Variants in RSL1D1 observed in about 807,000 individuals in gnomAD.
The protein encoded by RSL1D1 is ribosomal L1 domain-containing protein 1.
In RSL1D1, 34 loss-of-function variants were observed where a neutral mutation model predicts 44.6. The observed-to-expected ratio is 0.76, with a 90% CI of 0.58 to 1.02. The LOEUF is 1.02. Ranked by LOEUF, RSL1D1 falls within the 50% of genes least tolerant of loss-of-function variation. RSL1D1 has a pLI of 0.00. For synonymous variants in RSL1D1, 271 were observed against 207.4 expected (o/e 1.31, Z -2.63); for missense variants, 767 against 568.1 (o/e 1.35, Z -3.56).
At position 11,838,084 on chromosome 16, in the gene RSL1D1, A is replaced by G. The variant is rs1303206255; in HGVS notation, c.1176T>C (p.Ser392=). 1 of 1,584,600 alleles carries G rather than the reference A, an allele frequency of 6.3e-7. No individual in the cohort carries two copies. The highest frequency in any genetic ancestry group is 8.5e-7 in the Non-Finnish European group (1 of 1,172,226). ...TGCTGGGATTAGGACTCTTTGCTGG[A>G]GACTTCTTTCCTGTGGCATGTTTTT... ...EIQKHATGKK[S]PAKSPNPSTP... is the part of the protein sequence containing the mutation. Residue 392 remains serine, a synonymous_variant, in exon 9 of 9, where the codon TCT becomes TCC. Transcript: ENST00000571133.
intron 1 of RSL1D1, 92 bp from the exon 2 acceptor site, chr16:11,850,510 C>T (rs933907029): frequency 3.0e-6 from 4 of 1,317,838 alleles, no homozygotes; most frequent in African/African-American, 3.0e-5. Flanking sequence ...TAGCATTTGC[C>T]CCCTCCCACA....
rs1258869821 is a variant in RSL1D1 at position 11,836,216 on chromosome 16, C to T, written c.*1571G>A. The stretch of plus-strand genomic sequence containing the variant: ...GAGCTCACGGCCTTCACAGCCTCCA[C>T]CATCCCGATGGTCTGCTGGTCCTAC... On this transcript the variant is annotated 3_prime_UTR_variant, in exon 9 of 9. Coordinates refer to ENST00000571133, the MANE Select transcript of RSL1D1 (RefSeq NM_015659.3). 2.0e-5 allele frequency: 3 copies of T among 152,212 alleles called. No individual in the cohort carries two copies. The highest frequency in any genetic ancestry group is 7.2e-5 in the African/African-American group (3 of 41,454). The allele number at this position is 152,212 out of a possible 1,614,324, so 9.4% of individuals were successfully genotyped here. A position where few individuals can be genotyped will look rare whatever the true frequency, so the allele number is the denominator to read the frequency against.
At chr16:11,839,543 A>T in intron 8 of RSL1D1, 152 bp downstream of exon 8, 1 of 1,220,842 alleles carries the variant, frequency 8.2e-7, no homozygotes, top group Non-Finnish European at 1.1e-6. Flanking sequence ...AAAAAAAAAA[A>T]AAAGGTACAA....
chr16:11,835,190 T>C lies in RSL1D1; in HGVS notation c.*2597A>G, dbSNP rs1179573677. The C allele has an allele frequency of 6.6e-6, 1 of 151,982 alleles. No individual in the cohort carries two copies. The highest frequency in any genetic ancestry group is 1.5e-5 in the Non-Finnish European group (1 of 68,026). 9.4% of individuals were successfully genotyped at this position (151,982 alleles called of 1,614,324 possible). On this transcript the variant is annotated 3_prime_UTR_variant, in exon 9 of 9. Transcript: ENST00000571133. ...ATTTCAGGGAGAGCTAGATGTTTTT[T>C]TTTTTCTCTTTTTTTCAGTTTTGCT...
In RSL1D1 at chr16:11,835,928, G is replaced by C. The variant is rs2053713567; in HGVS notation, c.*1859C>G. On this transcript the variant is annotated 3_prime_UTR_variant, in exon 9 of 9. Coordinates refer to ENST00000571133, the MANE Select transcript of RSL1D1 (RefSeq NM_015659.3). ...GCTGCCCTGACGCACCATAATCTAA[G>C]CCCAGGGCATAAAATCCCTCGTGGC... is the stretch of plus-strand genomic sequence containing the variant. 6.6e-6 allele frequency: 1 copy of C among 152,228 alleles called. No individual in the cohort carries two copies. The highest frequency in any genetic ancestry group is 3.4e-3 in the Middle Eastern group (1 of 294). The allele number at this position is 152,228 out of a possible 1,614,324, so 9.4% of individuals were successfully genotyped here.
At chr16:11,844,385 C>A (rs1297093025) in intron 5 of RSL1D1, among the ~76,000 whole-genome samples, 1 of 152,178 alleles carries the variant, frequency 6.6e-6, no homozygotes, top group African/African-American at 2.4e-5. Flanking sequence ...CTTCATGGTA[C>A]CATCTTCTTC....
chr16:11,849,594 C>A (rs1044130091), intron 2 of RSL1D1, among the ~76,000 whole-genome samples: 2 of 152,124 alleles, frequency 1.3e-5, no homozygotes, highest in African/African-American at 4.8e-5. Flanking sequence ...AAATTCACTG[C>A]AGTTTTTAAT....
At chr16:11,844,713 C>T (rs909553046) in intron 5 of RSL1D1, among the ~76,000 whole-genome samples, 2 of 152,156 alleles carry the variant, frequency 1.3e-5, no homozygotes, top group African/African-American at 2.4e-5. Flanking sequence ...TGGGTCTGCA[C>T]GGCTCCTGGG....
chr16:11,835,927 A>C lies in RSL1D1; in HGVS notation c.*1860T>G, dbSNP rs1431736827. 1.3e-5 allele frequency: 2 copies of C among 152,142 alleles called. No individual in the cohort carries two copies. Among genetic ancestry groups the C allele is most frequent in the Non-Finnish European group, 2.9e-5 (2 of 68,038 alleles). 9.4% of individuals were successfully genotyped at this position (152,142 alleles called of 1,614,324 possible). A position where few individuals can be genotyped will look rare whatever the true frequency, so the allele number is the denominator to read the frequency against. On this transcript the variant is annotated 3_prime_UTR_variant, in exon 9 of 9. Coordinates refer to ENST00000571133, the MANE Select transcript of RSL1D1 (RefSeq NM_015659.3). ...GGCTGCCCTGACGCACCATAATCTA[A>C]GCCCAGGGCATAAAATCCCTCGTGG... is the stretch of plus-strand genomic sequence containing the variant.
intron 8 of RSL1D1, among the ~76,000 whole-genome samples, chr16:11,838,436 T>TAC (rs1240522509): frequency 6.6e-6 from 1 of 152,028 alleles, no homozygotes; most frequent in African/African-American, 2.4e-5. Context: ...GTGCTAGGAT[T>TAC]ACAGGCGTGA....
In RSL1D1 at chr16:11,847,691, G is replaced by C; in HGVS notation, c.361C>G (p.His121Asp). 6.2e-7 allele frequency: 1 copy of C among 1,611,744 alleles called. No homozygotes were observed. The highest frequency in any genetic ancestry group is 1.7e-4 in the Middle Eastern group (1 of 5,992). The change falls in exon 3 of 9, where the codon CAT becomes GAT. Residue 121 changes from histidine to aspartate, a missense_variant. Coordinates refer to ENST00000571133, the MANE Select transcript of RSL1D1 (RefSeq NM_015659.3). ...EQFYRKLLNK[H>D]GIKTVSQIIS... Reference sequence around the variant, plus strand: ...ACCTGAGAAACGGTTTTAATTCCATGCTTGTTTAAAAGCTTTCTATAAAAC... The same window carrying C: ...ACCTGAGAAACGGTTTTAATTCCATCCTTGTTTAAAAGCTTTCTATAAAAC...
chr16:11,843,856 G>C (rs1041571208), intron 5 of RSL1D1, among the ~76,000 whole-genome samples: 3 of 96,436 alleles, frequency 3.1e-5, no homozygotes, highest in Admixed American at 1.7e-4. Context: ...GGGCGACAGA[G>C]CAAGAACTCT....
intron 5 of RSL1D1, among the ~76,000 whole-genome samples, chr16:11,844,753 C>A (rs567069642): frequency 1.3e-5 from 2 of 152,228 alleles, no homozygotes; most frequent in Non-Finnish European, 2.9e-5. Context: ...CAGTGGCCTA[C>A]AGCTCTGCCT....
chr16:11,848,102 A>T (rs2053812102), intron 2 of RSL1D1, among the ~76,000 whole-genome samples: 1 of 152,124 alleles, frequency 6.6e-6, no homozygotes, highest in African/African-American at 2.4e-5. Flanking sequence ...AATTATAAAA[A>T]ATTAGCCAGG....
rs774802949 is a variant in RSL1D1, at chr16:11,846,749, C to G, written c.479G>C (p.Arg160Thr). ...GAGTGAGGGTAAGAGCCGCCTAATT[C>G]TGGCATCAGTAAGGAAGAAATCAAA... ...SSFDFFLTDA[R>T]IRRLLPSLIG... Residue 160 changes from arginine to threonine, a missense_variant, in exon 4 of 9, where the codon AGA (arginine) becomes ACA (threonine). Transcript: ENST00000571133. The G allele has an allele frequency of 1.9e-6, 3 of 1,614,066 alleles. No homozygotes were observed. Among genetic ancestry groups the G allele is most frequent in the Non-Finnish European group, 2.5e-6 (3 of 1,179,954 alleles).
At chr16:11,845,564 T>G (rs1429219019) in intron 5 of RSL1D1, among the ~76,000 whole-genome samples, 2 of 152,162 alleles carry the variant, frequency 1.3e-5, no homozygotes, top group African/African-American at 4.8e-5. Context: ...TGTGCCTATT[T>G]TAAATTAACT....
At chr16:11,843,618 C>T (rs556955411) in intron 5 of RSL1D1, among the ~76,000 whole-genome samples, 1 of 151,938 alleles carries the variant, frequency 6.6e-6, no homozygotes, top group African/African-American at 2.4e-5. Context: ...CCTGTAATCC[C>T]AGCACGTTGG....
At chr16:11,845,256 T>C (rs2053789663) in intron 5 of RSL1D1, among the ~76,000 whole-genome samples, 1 of 152,080 alleles carries the variant, frequency 6.6e-6, no homozygotes, top group Non-Finnish European at 1.5e-5. Flanking sequence ...GGTTCAAGTC[T>C]AGATGGGGCA....
chr16:11,837,661 GT>G lies in RSL1D1; in HGVS notation c.*125del. On this transcript the variant is annotated 3_prime_UTR_variant, in exon 9 of 9. Transcript: ENST00000571133. ...CACCGCCCCTGGACTACTTATGGAGGTTTTAAAAAATCTTTTAAGTCCAGGC... is the reference window on the plus strand; with the variant it reads ...CACCGCCCCTGGACTACTTATGGAGGTTTAAAAAATCTTTTAAGTCCAGGC... 1.1e-6 allele frequency: 1 copy of G among 929,076 alleles called. No individual in the cohort carries two copies. Among genetic ancestry groups the G allele is most frequent in the Non-Finnish European group, 1.6e-6 (1 of 606,066 alleles). The allele number at this position is 929,076 out of a possible 1,614,324, so 57.6% of individuals were successfully genotyped here. A position where few individuals can be genotyped will look rare whatever the true frequency, so the allele number is the denominator to read the frequency against.
Sources: allele counts gnomAD v4.1 joint callset (sites outside exome capture counted in the v4.1 genomes callset), GRCh38; gene constraint gnomAD v4.1.1; transcripts MANE v1.5; gene names NCBI Gene and HGNC (gene_info 2026-07-23, HGNC 2026-07-21).